Variants in SPATA20 observed in about 807,000 individuals in gnomAD.
SPATA20 encodes spermatogenesis-associated protein 20.
A neutral mutation model predicts 98.9 loss-of-function variants in SPATA20; 74 were observed. The ratio of observed to expected loss-of-function variants is 0.75; its 90% CI spans 0.62 to 0.91. The LOEUF (loss-of-function observed/expected upper bound fraction) is 0.91, where lower values mean the gene tolerates loss of function less well. Among genes scored for constraint, SPATA20 ranks in the 40% least tolerant of loss-of-function variants. SPATA20 has a pLI of 0.00. For synonymous variants in SPATA20, 430 were observed against 440.5 expected (o/e 0.98, Z 0.30); for missense variants, 1,016 against 1,069.8 (o/e 0.95, Z 0.70).
Position 50,550,847 on chromosome 17 carries a change from C to G in SPATA20, c.1313C>G (p.Pro438Arg), listed in dbSNP as rs935520130. The change falls in exon 11 of 17, where the codon CCG becomes CGG. Residue 438 changes from proline to arginine, a missense_variant. By Grantham distance (103) the Pro-to-Arg change is moderately radical (BLOSUM62 -2). Transcript: ENST00000006658. ...GAGCCTGTGTTGGGTGCCACCGAGC[C>G]GCTGACCTCAGGCCAGCTCCTCATG... is the stretch of plus-strand genomic sequence containing the variant. ...LPEPVLGATE[P>R]LTSGQLLMKH... 1 of 1,613,072 alleles carries G rather than the reference C, an allele frequency of 6.2e-7. No homozygotes were observed. Among genetic ancestry groups the G allele is most frequent in the Non-Finnish European group, 8.5e-7 (1 of 1,180,036 alleles).
intron 8 of SPATA20, 30 bp from the exon 9 acceptor site, chr17:50,550,178 G>T: frequency 6.2e-7 from 1 of 1,612,490 alleles, no homozygotes. Context: ...GCAGAAGCTG[G>T]GACTGGCCTC....
In SPATA20 at chr17:50,548,896, T is replaced by C; in HGVS notation, c.448T>C (p.Phe150Leu). 1 of 1,614,114 alleles carries C rather than the reference T, an allele frequency of 6.2e-7. No homozygotes were observed. The highest frequency in any genetic ancestry group is 8.5e-7 in the Non-Finnish European group (1 of 1,179,990). The change falls in exon 5 of 17, where the codon TTT becomes CTT. Residue 150 changes from phenylalanine to leucine, a missense_variant. Phe to Leu is a conservative substitution (Grantham distance 22). Transcript: ENST00000006658. ...GATTGGCCGCCTGCTCAGTGAGGAC[T>C]TTGTGAGTGTGAAGGTAGACCGTGA... ...EEIGRLLSED[F>L]VSVKVDREER...
Position 50,548,871 on chromosome 17 carries a change from G to A in SPATA20, c.423G>A (p.Glu141=), listed in dbSNP as rs760004300. ...AAGAGGAGTCCTTCCAGAATGAGGA[G>A]ATTGGCCGCCTGCTCAGTGAGGACT... ...MMEEESFQNE[E]IGRLLSEDFV... Residue 141 remains glutamate (E), a synonymous_variant, in exon 5 of 17, where the codon GAG becomes GAA. Coordinates refer to ENST00000006658, the MANE Select transcript of SPATA20 (RefSeq NM_022827.4). 6.2e-7 allele frequency: 1 copy of A among 1,614,184 alleles called. No individual in the cohort carries two copies. Among genetic ancestry groups the A allele is most frequent in the South Asian group, 1.1e-5 (1 of 91,092 alleles).
rs766525676 is a variant in SPATA20, at chr17:50,548,856, C to T, written c.408C>T (p.Ser136=). 1.2e-6 allele frequency: 2 copies of T among 1,614,122 alleles called. No homozygotes were observed. The highest frequency in any genetic ancestry group is 1.7e-5 in the Admixed American group (1 of 60,024). The change falls in exon 5 of 17, where the codon TCC becomes TCT. Residue 136 remains serine (S), a synonymous_variant. Transcript: ENST00000006658. ...GGTGCCACATGATGGAAGAGGAGTC[C>T]TTCCAGAATGAGGAGATTGGCCGCC... ...CHWCHMMEEE[S]FQNEEIGRLL... is the part of the protein sequence containing the mutation.
intron 9 of SPATA20, 80 bp from the exon 10 acceptor site, chr17:50,550,456 C>A: frequency 6.8e-7 from 1 of 1,466,642 alleles, no homozygotes; most frequent in Non-Finnish European, 9.6e-7. Flanking sequence ...CCCCCGCCTG[C>A]CTCAGAGAAT....
rs1490759366 is a variant in SPATA20, at chr17:50,553,448, G to C, written c.1958-803G>C. ...GGAGAGAGTTCAGGCATAGGGAGCA[G>C]TGCATGACAGGCCTGGTGCAGGCAG... On this transcript the variant is annotated intron_variant, in intron 14 of 16. Coordinates refer to ENST00000006658, the MANE Select transcript of SPATA20 (RefSeq NM_022827.4). Among the ~76,000 whole-genome samples the C allele has an allele frequency of 8.5e-5, 13 of 152,214 alleles. No individual in the cohort carries two copies. The East Asian group carries it at 2.3e-3, about 27-fold the overall frequency.
chr17:50,553,063 A>C (rs1452096999), intron 14 of SPATA20, among the ~76,000 whole-genome samples: 1 of 152,232 alleles, frequency 6.6e-6, no homozygotes. Context: ...GCAAAAACAC[A>C]TGCACAAATG....
chr17:50,554,154 C>A, intron 14 of SPATA20, 97 bp from the exon 15 acceptor site: 1 of 1,113,510 alleles, frequency 9.0e-7, no homozygotes, highest in Non-Finnish European at 1.3e-6. Context: ...TTTTCTCTGT[C>A]CCGTCCCCCA....
At position 50,552,005 on chromosome 17, in the gene SPATA20, C is replaced by A. The variant is rs1790009316; in HGVS notation, c.1782C>A (p.Ala594=). The part of the protein sequence containing the change: ...PPCWGFLEDY[A]FVVRGLLDLY... ...GCTGGGGCTTCCTGGAGGACTACGC[C>A]TTCGTGGTGCGGGGCCTGCTGGACC... is the stretch of plus-strand genomic sequence containing the variant. Residue 594 remains alanine (A), a synonymous_variant, in exon 14 of 17, where the codon GCC becomes GCA. Transcript: ENST00000006658. The A allele has an allele frequency of 6.2e-7, 1 of 1,612,092 alleles. No homozygotes were observed. Among genetic ancestry groups the A allele is most frequent in the Non-Finnish European group, 8.5e-7 (1 of 1,179,190 alleles).
chr17:50,551,457 T>C lies in SPATA20; in HGVS notation c.1577-54T>C, dbSNP rs950991233. ...GGGGCCTAAGGTGATAGGGTGGACATGCCTGGAGGGTCCTGGCCAGCTTCT... is the reference window on the plus strand; with the variant it reads ...GGGGCCTAAGGTGATAGGGTGGACACGCCTGGAGGGTCCTGGCCAGCTTCT... On this transcript the variant is annotated intron_variant, in intron 12 of 16. Transcript: ENST00000006658. The C allele has an allele frequency of 1.9e-6, 3 of 1,549,430 alleles. No individual in the cohort carries two copies. In the African/African-American group the frequency reaches 4.0e-5, roughly 21 times the overall value.
intron 13 of SPATA20, 36 bp downstream of exon 13, chr17:50,551,715 C>G: frequency 1.3e-6 from 2 of 1,566,720 alleles, no homozygotes; most frequent in Non-Finnish European, 1.7e-6. Flanking sequence ...GCCCGTCTCC[C>G]CAACGCGTCC....
chr17:50,552,520 TCTTTC>T (rs778512059), intron 14 of SPATA20, among the ~76,000 whole-genome samples: 1 of 151,664 alleles, frequency 6.6e-6, no homozygotes, highest in Non-Finnish European at 1.5e-5. Context: ...TCTTTCTTTC[TCTTTC>T]CTTTCTTCCT....
Position 50,552,089 on chromosome 17 carries a change from A to C in SPATA20, c.1866A>C (p.Thr622=). The stretch of plus-strand genomic sequence containing the variant: ...AGTGGGCTCTGCGGCTGCAGGACAC[A>C]CAGGACAAGCTCTTTTGGGACTCCC... ...WLEWALRLQD[T]QDKLFWDSQG... is the part of the protein sequence containing the mutation. The change falls in exon 14 of 17, where the codon ACA becomes ACC. Residue 622 remains threonine, a synonymous_variant. Transcript: ENST00000006658. 6.2e-7 allele frequency: 1 copy of C among 1,613,818 alleles called. No individual in the cohort carries two copies. Among genetic ancestry groups the C allele is most frequent in the Non-Finnish European group, 8.5e-7 (1 of 1,179,996 alleles).
Position 50,549,501 on chromosome 17 carries a change from G to T in SPATA20, c.862+14G>T. ...TTCCCACGCCGGGTCAGTGCCCCAC[G>T]CCCGCCTTAGCCCAGGCTTTGGCCT... is the stretch of plus-strand genomic sequence containing the variant. On this transcript the variant is annotated intron_variant, in intron 7 of 16. Coordinates refer to ENST00000006658, the MANE Select transcript of SPATA20 (RefSeq NM_022827.4). The T allele has an allele frequency of 6.2e-7, 1 of 1,605,032 alleles. No individual in the cohort carries two copies. The highest frequency in any genetic ancestry group is 8.5e-7 in the Non-Finnish European group (1 of 1,176,914).
At position 50,550,816 on chromosome 17, in the gene SPATA20, C is replaced by T. The variant is rs2035000350; in HGVS notation, c.1282C>T (p.Leu428Phe). ...GACGGTCAAAGAGGTTCAGCAGCTC[C>T]TCCCGGAGCCTGTGTTGGGTGCCAC... Reference protein sequence around the residue: ...VWTVKEVQQLLPEPVLGATEP... With the variant: ...VWTVKEVQQLFPEPVLGATEP... The change falls in exon 11 of 17, where the codon CTC (leucine) becomes TTC (phenylalanine). Residue 428 changes from leucine (L) to phenylalanine (F), a missense_variant. Transcript: ENST00000006658. 2 of 1,612,892 alleles carry T rather than the reference C, an allele frequency of 1.2e-6. No homozygotes were observed. The highest frequency in any genetic ancestry group is 1.7e-5 in the Admixed American group (1 of 60,016).
At chr17:50,549,567 C>T in intron 7 of SPATA20, 80 bp downstream of exon 7, 1 of 1,420,466 alleles carries the variant, frequency 7.0e-7, no homozygotes, top group East Asian at 2.5e-5. Flanking sequence ...GGCTCCTGGC[C>T]TCACCCATAG....
At chr17:50,552,736 T>C (rs1000697110) in intron 14 of SPATA20, among the ~76,000 whole-genome samples, 1 of 151,384 alleles carries the variant, frequency 6.6e-6, no homozygotes, top group Non-Finnish European at 1.5e-5. Flanking sequence ...TAATTTTTTG[T>C]AGAGATGGGA....
At chr17:50,547,324 G>C in intron 1 of SPATA20, 39 bp downstream of exon 1, 1 of 1,400,078 alleles carries the variant, frequency 7.1e-7, no homozygotes, top group South Asian at 1.6e-5. Flanking sequence ...CACTCCCTGC[G>C]CCTGCCTGCG....
intron 9 of SPATA20, 54 bp from the exon 10 acceptor site, chr17:50,550,482 C>A: frequency 6.4e-7 from 1 of 1,556,472 alleles, no homozygotes; most frequent in Non-Finnish European, 8.8e-7. Flanking sequence ...CACCTTCCAC[C>A]TGGGCCTCCC....
Sources: gnomAD v4.1 joint callset for allele counts (sites outside exome capture counted in the v4.1 genomes callset) on GRCh38, gnomAD v4.1.1 for gene constraint, MANE v1.5 for transcripts, NCBI Gene and HGNC (gene_info 2026-07-23, HGNC 2026-07-21) for gene names.